CMYA5: variants seen among roughly 807,000 people sequenced by gnomAD.
CMYA5 encodes the protein cardiomyopathy associated 5.
In CMYA5, 246 loss-of-function variants were observed where a neutral mutation model predicts 318.9. That is an observed-to-expected ratio of 0.77 (90% CI 0.70 to 0.86). CMYA5 has a LOEUF of 0.86. CMYA5 is among the 40% of genes least tolerant of loss of function. CMYA5 has a pLI of 0.00. For synonymous variants in CMYA5, 1,641 were observed against 1,729.5 expected, an observed-to-expected ratio of 0.95 and a Z score of 1.27; for missense variants, 4,589 against 4,678.2, an observed-to-expected ratio of 0.98 and a Z score of 0.56.
At position 79,729,803 on chromosome 5, in the gene CMYA5, A is replaced by G. The variant is rs753391648; in HGVS notation, c.1038A>G (p.Ser346=). The G allele has an allele frequency of 6.2e-7, 1 of 1,613,794 alleles. No individual in the cohort carries two copies. The highest frequency in any genetic ancestry group is 1.7e-5 in the Admixed American group (1 of 59,982). Residue 346 remains serine (S), a synonymous_variant, in exon 2 of 13, where the codon TCA becomes TCG. Coordinates refer to ENST00000446378, the MANE Select transcript of CMYA5 (RefSeq NM_153610.5). ...SALEHTVPSY[S]SSGRAEQGIQ... ...TGGAGCACACAGTTCCCTCTTATTC[A>G]AGTAGTGGCAGAGCAGAACAAGGAA... is the stretch of plus-strand genomic sequence containing the variant.
At chr5:79,693,336 A>ATTTTTTTTTTTTTTTT (rs11319092) in intron 1 of CMYA5, among the ~76,000 whole-genome samples, 1 of 135,634 alleles carries the variant, frequency 7.4e-6, no homozygotes. Context: ...AAGTCACACA[A>ATTTTTTTTTTTTTTTT]TTTTTTTTTT....
At position 79,731,911 on chromosome 5, in the gene CMYA5, C is replaced by T. The variant is rs115180914; in HGVS notation, c.3146C>T (p.Thr1049Ile). ...GCAGATGAGGAAGACATTGGATCCA[C>T]AGCTGCTACACCTGTATCTGAGCAG... ...SEADEEDIGS[T>I]AATPVSEQFS... The change falls in exon 2 of 13, where the codon ACA (threonine) becomes ATA (isoleucine). Residue 1049 changes from threonine to isoleucine, a missense_variant. Around this residue, in one of 3 missense-constraint regions of CMYA5, gnomAD observed 2,132 missense variants for 2,131.3 expected, o/e 1.00. Transcript: ENST00000446378. 33,459 of 1,613,144 alleles carry T rather than the reference C, an allele frequency of 0.021. 421 individuals are homozygous for T. The highest frequency in any genetic ancestry group is 0.035 in the South Asian group (3,195 of 90,912).
chr5:79,756,109 A>C (rs1561220891), intron 6 of CMYA5, among the ~76,000 whole-genome samples: 1 of 126,118 alleles, frequency 7.9e-6, no homozygotes, highest in African/African-American at 2.8e-5. Context: ...GGGTAACATG[A>C]AAATTTACTG....
intron 11 of CMYA5, among the ~76,000 whole-genome samples, chr5:79,791,807 G>A (rs905460551): frequency 2.6e-5 from 4 of 151,600 alleles, no homozygotes; most frequent in Non-Finnish European, 4.4e-5. Flanking sequence ...AGTAGCTCCC[G>A]CAAAAGGAAG....
rs892716289 is a variant in CMYA5, at chr5:79,737,453, A to G, written c.8688A>G (p.Ile2896Met). The stretch of plus-strand genomic sequence containing the variant: ...CAAAAAGCAACTATGCTCAATTTAT[A>G]TCTAATACATCAGCAAGCAATGCTG... ...SSAKSNYAQF[I>M]SNTSASNADK... The change falls in exon 2 of 13, where the codon ATA (isoleucine) becomes ATG (methionine). Residue 2896 changes from isoleucine (I) to methionine (M), a missense_variant. Around this residue, in one of 3 missense-constraint regions of CMYA5, gnomAD observed 2,431 missense variants for 2,495.1 expected, o/e 0.97. Transcript: ENST00000446378. 1.2e-6 allele frequency: 2 copies of G among 1,613,852 alleles called. No individual in the cohort carries two copies. The highest frequency in any genetic ancestry group is 1.7e-6 in the Non-Finnish European group (2 of 1,179,818).
chr5:79,723,784 A>G (rs1827692762), intron 1 of CMYA5, among the ~76,000 whole-genome samples: 1 of 151,848 alleles, frequency 6.6e-6, no homozygotes, highest in African/African-American at 2.4e-5. Flanking sequence ...ATGAAAAAAA[A>G]AAAAGAAAAG....
Position 79,734,323 on chromosome 5 carries a change from A to G in CMYA5, c.5558A>G (p.Gln1853Arg). 6.2e-7 allele frequency: 1 copy of G among 1,613,802 alleles called. No homozygotes were observed. Among genetic ancestry groups the G allele is most frequent in the Non-Finnish European group, 8.5e-7 (1 of 1,179,724 alleles). ...GATAAACAAGATCTGGGTATTAAGC[A>G]GTTTTCACTTATGAGAGAGAATTTG... ...SEDKQDLGIK[Q>R]FSLMRENLPL... Residue 1853 changes from glutamine (Q) to arginine (R), a missense_variant, in exon 2 of 13, where the codon CAG becomes CGG. Gln to Arg is a conservative substitution (Grantham distance 43). This residue lies in a region of CMYA5 where 2,132 missense variants were observed against 2,131.3 expected (regional missense o/e 1.00). Transcript: ENST00000446378.
chr5:79,743,004 G>A (rs57771546), intron 2 of CMYA5, among the ~76,000 whole-genome samples: 1 of 152,170 alleles, frequency 6.6e-6, no homozygotes, highest in African/African-American at 2.4e-5. Context: ...ACACAGATGA[G>A]AAAGAGTGCA....
At chr5:79,790,080 G>A (rs187728408) in intron 10 of CMYA5, among the ~76,000 whole-genome samples, 5 of 152,288 alleles carry the variant, frequency 3.3e-5, no homozygotes, top group Admixed American at 6.5e-5. Flanking sequence ...TTGAGTGGGC[G>A]CAACAAGCGA....
At chr5:79,748,512 TCTATCTAC>T (rs1284191013) in intron 5 of CMYA5, among the ~76,000 whole-genome samples, 153 of 117,940 alleles carry the variant, frequency 1.3e-3, no homozygotes, top group African/African-American at 5.5e-3. Flanking sequence ...TATCTATCTA[TCTATCTAC>T]CTATCTATCT....
Position 79,731,118 on chromosome 5 carries a change from G to C in CMYA5, c.2353G>C (p.Asp785His). ...SEHVVPSEGE[D>H]LGSERFTPDS... The stretch of plus-strand genomic sequence containing the variant: ...ACACGTGGTCCCATCAGAAGGAGAG[G>C]ACCTAGGAAGTGAACGTTTCACACC... Residue 785 changes from aspartate to histidine, a missense_variant, in exon 2 of 13, where the codon GAC becomes CAC. Asp to His is a moderately conservative substitution (Grantham distance 81, BLOSUM62 -1). This residue lies in a region of CMYA5 where 2,132 missense variants were observed against 2,131.3 expected (regional missense o/e 1.00). Transcript: ENST00000446378. 6.2e-7 allele frequency: 1 copy of C among 1,613,968 alleles called. No individual in the cohort carries two copies. Among genetic ancestry groups the C allele is most frequent in the Non-Finnish European group, 8.5e-7 (1 of 1,179,886 alleles).
chr5:79,734,152 A>G lies in CMYA5; in HGVS notation c.5387A>G (p.His1796Arg). Residue 1796 changes from histidine (H) to arginine (R), a missense_variant, in exon 2 of 13, where the codon CAC (histidine) becomes CGC (arginine). Transcript: ENST00000446378. ...GATAAGCTAAGTGAAGAAACAGGCCACCCAAATTCATCCCAGGTACTCCAG... is the reference window on the plus strand; with the variant it reads ...GATAAGCTAAGTGAAGAAACAGGCCGCCCAAATTCATCCCAGGTACTCCAG... ...ILDKLSEETG[H>R]PNSSQVLQSI... 6.2e-7 allele frequency: 1 copy of G among 1,613,818 alleles called. No individual in the cohort carries two copies. The highest frequency in any genetic ancestry group is 8.5e-7 in the Non-Finnish European group (1 of 1,179,818).
At chr5:79,773,994 G>A (rs1006784704) in intron 9 of CMYA5, among the ~76,000 whole-genome samples, 1 of 152,210 alleles carries the variant, frequency 6.6e-6, no homozygotes, top group Non-Finnish European at 1.5e-5. Flanking sequence ...CTAGATTGGA[G>A]AATCTAATTT....
In CMYA5 at chr5:79,731,478, G is replaced by T; in HGVS notation, c.2713G>T (p.Val905Leu). 1 of 1,608,068 alleles carries T rather than the reference G, an allele frequency of 6.2e-7. No individual in the cohort carries two copies. The highest frequency in any genetic ancestry group is 1.1e-5 in the South Asian group (1 of 89,910). Residue 905 changes from valine to leucine, a missense_variant, in exon 2 of 13, where the codon GTA becomes TTA. By Grantham distance (32) the Val-to-Leu change is conservative. Transcript: ENST00000446378. ...TTCTACATCTGCTTCTGAATTTTCAGTACCACCATATGCAACACCGGAGGC... is the reference window on the plus strand; with the variant it reads ...TTCTACATCTGCTTCTGAATTTTCATTACCACCATATGCAACACCGGAGGC... ...PSSTSASEFSVPPYATPEAQE... is the reference protein window; with the variant it reads ...PSSTSASEFSLPPYATPEAQE...
Position 79,736,482 on chromosome 5 carries a change from G to C in CMYA5, c.7717G>C (p.Asp2573His). ...AGCCGAGTCTATGAGTAGAGAATCA[G>C]ATATCTCTTTAGGTCATTCTTTGGG... ...NVAESMSRES[D>H]ISLGHSLGET... Residue 2573 changes from aspartate to histidine, a missense_variant, in exon 2 of 13, where the codon GAT (aspartate) becomes CAT (histidine). Physicochemically the swap from Asp to His is moderately conservative, Grantham distance 81. Transcript: ENST00000446378. 1 of 1,611,346 alleles carries C rather than the reference G, an allele frequency of 6.2e-7. No individual in the cohort carries two copies. Among genetic ancestry groups the C allele is most frequent in the South Asian group, 1.1e-5 (1 of 90,754 alleles).
intron 1 of CMYA5, among the ~76,000 whole-genome samples, chr5:79,712,074 C>A (rs942675387): frequency 3.3e-5 from 5 of 152,180 alleles, no homozygotes; most frequent in Non-Finnish European, 7.3e-5. Context: ...CAACACACTG[C>A]CACCCAAGTC....
intron 1 of CMYA5, 21 bp downstream of exon 1, chr5:79,690,077 C>A (rs1205060499): frequency 6.4e-6 from 9 of 1,413,866 alleles, no homozygotes; most frequent in Middle Eastern, 1.9e-4. Context: ...CCTCTCTCCT[C>A]GGCCCAGGGC....
In CMYA5 at chr5:79,731,405, T is replaced by C. The variant is rs1156741602; in HGVS notation, c.2640T>C (p.Val880=). 2 of 1,613,660 alleles carry C rather than the reference T, an allele frequency of 1.2e-6. No homozygotes were observed. The highest frequency in any genetic ancestry group is 2.7e-5 in the African/African-American group (2 of 74,906). Residue 880 remains valine (V), a synonymous_variant, in exon 2 of 13, where the codon GTT becomes GTC. Transcript: ENST00000446378. ...PPLSATPSEY[V]VLSDEEAVEL... is the part of the protein sequence containing the mutation. The stretch of plus-strand genomic sequence containing the variant: ...TTTCAGCCACCCCATCTGAATATGT[T>C]GTTCTATCAGACGAAGAGGCAGTCG...
chr5:79,731,821 A>G lies in CMYA5; in HGVS notation c.3056A>G (p.Asn1019Ser). The G allele has an allele frequency of 6.2e-7, 1 of 1,612,960 alleles. No homozygotes were observed. The highest frequency in any genetic ancestry group is 8.5e-7 in the Non-Finnish European group (1 of 1,179,598). ...PPFRISETEK[N>S]ELEPDSLLTA... Reference sequence around the variant, plus strand: ...TTTAGAATCTCAGAAACAGAGAAAAATGAACTTGAGCCTGATTCACTATTA... The same window carrying G: ...TTTAGAATCTCAGAAACAGAGAAAAGTGAACTTGAGCCTGATTCACTATTA... The change falls in exon 2 of 13, where the codon AAT (asparagine) becomes AGT (serine). Residue 1019 changes from asparagine to serine, a missense_variant. Asn to Ser is a conservative substitution (Grantham distance 46). This residue lies in a region of CMYA5 where 2,132 missense variants were observed against 2,131.3 expected (regional missense o/e 1.00). Transcript: ENST00000446378.
Sources: allele counts gnomAD v4.1 joint callset (sites outside exome capture counted in the v4.1 genomes callset), GRCh38; gene constraint gnomAD v4.1.1; regional missense constraint gnomAD v4.1.1; transcripts MANE v1.5; gene names NCBI Gene and HGNC (gene_info 2026-07-23, HGNC 2026-07-21).